CGGBP1: variants seen among roughly 807,000 people sequenced by gnomAD.
The protein encoded by CGGBP1 is CGG triplet repeat-binding protein 1.
Under a neutral mutation model 11.4 loss-of-function variants are expected in CGGBP1, and 4 were observed. The observed-to-expected ratio is 0.35, with a 90% confidence interval of 0.17 to 0.80. CGGBP1 has a LOEUF of 0.80. Among genes scored for constraint, CGGBP1 ranks in the 30% least tolerant of loss-of-function variants. The pLI is 0.52. For missense variants in CGGBP1, 135 were observed against 202.1 expected (o/e 0.67, Z 2.01); for synonymous variants, 76 against 74.1 (o/e 1.03, Z -0.13).
intron 1 of CGGBP1, among the ~76,000 whole-genome samples, chr3:88,146,227 T>C (rs1428589018): frequency 1.3e-5 from 2 of 152,216 alleles, no homozygotes; most frequent in Admixed American, 1.3e-4. Context: ...GTGATTCTGA[T>C]ACAAGCTAAG....
intron 2 of CGGBP1, among the ~76,000 whole-genome samples, chr3:88,093,383 A>G (rs1351000326): frequency 6.6e-6 from 1 of 152,212 alleles, no homozygotes. Context: ...AACAGAAAGT[A>G]AATGTTCATA....
At chr3:88,079,771 A>C (rs918964006) in intron 2 of CGGBP1, among the ~76,000 whole-genome samples, 14 of 152,100 alleles carry the variant, frequency 9.2e-5, no homozygotes, top group Non-Finnish European at 2.1e-4. Context: ...TTACATTTAC[A>C]GAACCTATCA....
At chr3:88,059,654 T>G, upstream of CGGBP1, 469 of 540,628 alleles carry the variant, frequency 8.7e-4, no homozygotes, top group East Asian at 1.2e-3. Context: ...CCTCCACTTA[T>G]CCGGCTTGGG....
intron 2 of CGGBP1, among the ~76,000 whole-genome samples, chr3:88,126,640 G>A: frequency 7.3e-6 from 1 of 137,862 alleles, no homozygotes. Context: ...GAAAGCACAT[G>A]GAATCTCACT....
chr3:88,076,414 T>C (rs1707804334), intron 2 of CGGBP1, among the ~76,000 whole-genome samples: 1 of 152,180 alleles, frequency 6.6e-6, no homozygotes, highest in African/African-American at 2.4e-5. Flanking sequence ...ACTTCTGATA[T>C]ATATCTCCTT....
chr3:88,107,205 A>G (rs1704796789), intron 2 of CGGBP1, among the ~76,000 whole-genome samples: 1 of 152,238 alleles, frequency 6.6e-6, no homozygotes, highest in South Asian at 2.1e-4. Context: ...ATCTTCCTCC[A>G]GTAAAATGGC....
At chr3:88,114,276 A>G (rs1437971365) in intron 2 of CGGBP1, among the ~76,000 whole-genome samples, 1 of 152,196 alleles carries the variant, frequency 6.6e-6, no homozygotes, top group Non-Finnish European at 1.5e-5. Context: ...TTTCAGTATT[A>G]AATGGGGAGG....
At chr3:88,144,763 T>G (rs1332301897) in intron 1 of CGGBP1, 1 of 152,392 alleles carries the variant, frequency 6.6e-6, no homozygotes, top group Non-Finnish European at 1.5e-5. Context: ...AGGAATGGCA[T>G]ATTTCAGTTA....
intron 2 of CGGBP1, among the ~76,000 whole-genome samples, chr3:88,081,110 C>T (rs963959856): frequency 6.6e-6 from 1 of 152,072 alleles, no homozygotes; most frequent in Non-Finnish European, 1.5e-5. Flanking sequence ...GAATATCCCT[C>T]AGTTTGGGTT....
At position 88,107,738 on chromosome 3, in the gene CGGBP1, G is replaced by A. The variant is rs113629099; in HGVS notation, c.-229+33232C>T. ...CAGTGTACCAATTTTTTCTTCAGGT[G>A]TATCTAATCATCCATAAGATCTGCC... On this transcript the variant is annotated intron_variant, in intron 2 of 3. Coordinates refer to the CGGBP1 transcript ENST00000462901. Among the ~76,000 whole-genome samples, 883 of 152,178 alleles carry A rather than the reference G, an allele frequency of 5.8e-3. 9 individuals carry two copies. Among genetic ancestry groups the A allele is most frequent in the South Asian group, 0.042 (201 of 4,822 alleles).
Position 88,055,226 on chromosome 3 carries a change from A to G in CGGBP1, c.*247T>C, listed in dbSNP as rs1706514904. ...GAGAAAAACCATTAATTTTAAAGAT[A>G]ACCATCAGGTTTCAGGTATCCTAGC... On this transcript the variant is annotated 3_prime_UTR_variant, in exon 4 of 4. Transcript: ENST00000482016. The surrounding 1 kb of genome is among the most constrained non-coding windows in gnomAD (Gnocchi z 4.2). The G allele has an allele frequency of 8.7e-6, 3 of 344,708 alleles. No homozygotes were observed. Among genetic ancestry groups the G allele is most frequent in the Non-Finnish European group, 1.6e-5 (3 of 192,390 alleles). 21.4% of individuals were successfully genotyped at this position (344,708 alleles called of 1,614,324 possible). A position where few individuals can be genotyped will look rare whatever the true frequency, so the allele number is the denominator to read the frequency against.
chr3:88,134,662 A>G (rs1470568302), intron 2 of CGGBP1, among the ~76,000 whole-genome samples: 2 of 152,142 alleles, frequency 1.3e-5, no homozygotes, highest in Non-Finnish European at 2.9e-5. Flanking sequence ...AATGAAAAAT[A>G]TGAACCATTT....
At chr3:88,064,374 C>G (rs931755588) in intron 2 of CGGBP1, among the ~76,000 whole-genome samples, 1 of 152,124 alleles carries the variant, frequency 6.6e-6, no homozygotes, top group Non-Finnish European at 1.5e-5. Context: ...GATTATACCC[C>G]GTTTTTGTTT....
Position 88,129,639 on chromosome 3 carries a change from C to T in CGGBP1, c.-229+11331G>A, listed in dbSNP as rs1706329680. ...TTTAAACATTTATTGCAACTAGCTTCTTAGATATTTTTAATTATATGAACT... is the reference window on the plus strand; with the variant it reads ...TTTAAACATTTATTGCAACTAGCTTTTTAGATATTTTTAATTATATGAACT... On this transcript the variant is annotated intron_variant, in intron 2 of 3. Transcript: ENST00000462901. 4 of 1,317,434 alleles carry T rather than the reference C, an allele frequency of 3.0e-6. No homozygotes were observed. In the South Asian group the frequency reaches 6.0e-5, roughly 20 times the overall value. The allele number at this position is 1,317,434 out of a possible 1,614,324, so 81.6% of individuals were successfully genotyped here.
At chr3:88,107,646 C>T (rs1035443164) in intron 2 of CGGBP1, among the ~76,000 whole-genome samples, 70 of 152,080 alleles carry the variant, frequency 4.6e-4, no homozygotes, top group African/African-American at 1.6e-3. Flanking sequence ...TTCCTTAACT[C>T]TTGCTTCTTG....
At chr3:88,060,120 T>C (rs1487593069), upstream of CGGBP1, among the ~76,000 whole-genome samples, 1 of 151,738 alleles carries the variant, frequency 6.6e-6, no homozygotes, top group African/African-American at 2.4e-5. Context: ...GTGATTGTCT[T>C]TTTTTTTAAC....
chr3:88,088,466 C>T (rs149860354), intron 2 of CGGBP1, among the ~76,000 whole-genome samples: 334 of 151,930 alleles, frequency 2.2e-3, no homozygotes, highest in Middle Eastern at 6.8e-3. Context: ...ATCAGTATCA[C>T]GCTGTGTGAA....
At chr3:88,075,238 A>G (rs1244747133) in intron 2 of CGGBP1, among the ~76,000 whole-genome samples, 1 of 152,230 alleles carries the variant, frequency 6.6e-6, no homozygotes, top group African/African-American at 2.4e-5. Flanking sequence ...TATAAAGAGC[A>G]TATCACTTAC....
At chr3:88,068,174 G>A (rs755874808) in intron 2 of CGGBP1, among the ~76,000 whole-genome samples, 15 of 152,048 alleles carry the variant, frequency 9.9e-5, no homozygotes, top group Non-Finnish European at 2.2e-4. Flanking sequence ...TTTGATCATT[G>A]TGAATGCAGA....
Sources: gnomAD v4.1 joint callset for allele counts (sites outside exome capture counted in the v4.1 genomes callset) on GRCh38, gnomAD v4.1.1 for gene constraint, Gnocchi (gnomAD v3.1) non-coding constraint, MANE v1.5 for transcripts, NCBI Gene and HGNC (gene_info 2026-07-23, HGNC 2026-07-21) for gene names.